ATP2B2: variants seen among roughly 807,000 people sequenced by gnomAD.
ATP2B2 encodes ATPase plasma membrane Ca2+ transporting 2.
ATP2B2 carries 15 observed loss-of-function variants against 120.0 expected under a neutral mutation model. The ratio of observed to expected loss-of-function variants is 0.12; its 90% CI spans 0.08 to 0.19. The LOEUF (loss-of-function observed/expected upper bound fraction) is 0.19, where lower values mean the gene tolerates loss of function less well. ATP2B2 is among the 10% of genes least tolerant of loss of function. The pLI is 1.00. For missense variants in ATP2B2, 1,045 were observed against 1,719.8 expected (o/e 0.61, Z 6.94); for synonymous variants, 694 against 700.3 (o/e 0.99, Z 0.14).
At chr3:10,351,735 G>T (rs2060584696) in intron 14 of ATP2B2, among the ~76,000 whole-genome samples, 1 of 152,188 alleles carries the variant, frequency 6.6e-6, no homozygotes, top group East Asian at 1.9e-4. Context: ...AATCCAACAG[G>T]AATGGTGTCC....
chr3:10,615,451 C>G (rs1286082236), intron 2 of ATP2B2, among the ~76,000 whole-genome samples: 2 of 152,168 alleles, frequency 1.3e-5, no homozygotes, highest in Non-Finnish European at 2.9e-5. Context: ...AGACAGGAAG[C>G]AAGACATTTG....
intron 12 of ATP2B2, among the ~76,000 whole-genome samples, chr3:10,361,124 T>C (rs1226776734): frequency 2.0e-5 from 3 of 152,362 alleles, no homozygotes; most frequent in Non-Finnish European, 4.4e-5. Flanking sequence ...TGGTATTTCA[T>C]GGGACAGACA....
intron 2 of ATP2B2, among the ~76,000 whole-genome samples, chr3:10,560,400 TG>T (rs2067876153): frequency 6.6e-6 from 1 of 152,170 alleles, no homozygotes; most frequent in South Asian, 2.1e-4. Flanking sequence ...CTCACTCTGA[TG>T]TAATCAGAAC....
At chr3:10,427,457 G>A (rs943293090) in intron 2 of ATP2B2, among the ~76,000 whole-genome samples, 6 of 152,090 alleles carry the variant, frequency 3.9e-5, no homozygotes, top group African/African-American at 1.2e-4. Flanking sequence ...CACAATATAC[G>A]CTGTTCTAAT....
chr3:10,500,541 G>A (rs1475236278), intron 1 of ATP2B2, among the ~76,000 whole-genome samples: 1 of 151,824 alleles, frequency 6.6e-6, no homozygotes, highest in African/African-American at 2.4e-5. Context: ...AGAAGCAGAG[G>A]AGAGGACACC....
intron 14 of ATP2B2, among the ~76,000 whole-genome samples, chr3:10,354,426 T>C (rs1255532770): frequency 6.6e-6 from 1 of 152,222 alleles, no homozygotes; most frequent in Non-Finnish European, 1.5e-5. Flanking sequence ...TAGATATTTC[T>C]CACTGAGGGA....
At chr3:10,575,504 G>A (rs2068224413) in intron 2 of ATP2B2, among the ~76,000 whole-genome samples, 1 of 152,200 alleles carries the variant, frequency 6.6e-6, no homozygotes, top group Non-Finnish European at 1.5e-5. Context: ...GAGATGGATA[G>A]TGGTGATGGT....
upstream of ATP2B2, among the ~76,000 whole-genome samples, chr3:10,508,108 C>T (rs569324945): frequency 2.6e-4 from 39 of 152,208 alleles, no homozygotes; most frequent in Non-Finnish European, 5.1e-4. Flanking sequence ...AAGACTAGAA[C>T]TGCCACCTGG....
At chr3:10,450,531 C>T (rs1253695934) in intron 1 of ATP2B2, among the ~76,000 whole-genome samples, 3 of 152,184 alleles carry the variant, frequency 2.0e-5, no homozygotes, top group Non-Finnish European at 4.4e-5. Context: ...AAAGCCCCCA[C>T]CTGCACCCAC....
chr3:10,534,992 C>T (rs2067283296), intron 2 of ATP2B2, among the ~76,000 whole-genome samples: 1 of 148,392 alleles, frequency 6.7e-6, no homozygotes, highest in Non-Finnish European at 1.5e-5. Flanking sequence ...AGATCTCTGC[C>T]TCCCGGGTTC....
chr3:10,606,776 T>A (rs891068270), intron 2 of ATP2B2, among the ~76,000 whole-genome samples: 17 of 151,958 alleles, frequency 1.1e-4, no homozygotes, highest in Admixed American at 3.3e-4. Context: ...CCTTTCCCCA[T>A]ACTCCTATCC....
chr3:10,602,646 T>A (rs1282420367), intron 2 of ATP2B2, among the ~76,000 whole-genome samples: 1 of 152,222 alleles, frequency 6.6e-6, no homozygotes, highest in Non-Finnish European at 1.5e-5. Flanking sequence ...ACCACTTAAT[T>A]GCATTAAAAA....
At chr3:10,374,565 G>A (rs1375416815) in intron 11 of ATP2B2, among the ~76,000 whole-genome samples, 2 of 151,840 alleles carry the variant, frequency 1.3e-5, no homozygotes, top group Admixed American at 6.5e-5. Context: ...ATTCTGGCAT[G>A]GGGCACTGGG....
intron 2 of ATP2B2, among the ~76,000 whole-genome samples, chr3:10,425,023 G>T (rs1030146740): frequency 6.6e-6 from 1 of 152,162 alleles, no homozygotes; most frequent in Non-Finnish European, 1.5e-5. Context: ...GGGCACGGTG[G>T]CTCACACCTG....
chr3:10,665,403 G>C (rs2070901839), intron 1 of ATP2B2, among the ~76,000 whole-genome samples: 1 of 152,104 alleles, frequency 6.6e-6, no homozygotes. Context: ...GGCTGTCCCT[G>C]CTGTCCCTTA....
At chr3:10,505,691 C>T (rs866422583), upstream of ATP2B2, 20 of 146,084 alleles carry the variant, frequency 1.4e-4, 1 homozygote, top group Admixed American at 8.1e-4. Context: ...GCAGAGGCCG[C>T]CCCTGCCGCT....
At chr3:10,625,843 G>A (rs933716769) in intron 1 of ATP2B2, among the ~76,000 whole-genome samples, 5 of 152,332 alleles carry the variant, frequency 3.3e-5, no homozygotes, top group East Asian at 1.9e-4. Context: ...CCTGACGCTT[G>A]CTAAATTCTC....
chr3:10,492,800 G>A (rs542656740), intron 1 of ATP2B2, among the ~76,000 whole-genome samples: 2 of 152,320 alleles, frequency 1.3e-5, no homozygotes, highest in South Asian at 4.1e-4. Context: ...ACCGGGTCAA[G>A]TGTGATGGTG....
At chr3:10,472,014 G>A (rs1281332242) in intron 1 of ATP2B2, among the ~76,000 whole-genome samples, 2 of 148,864 alleles carry the variant, frequency 1.3e-5, no homozygotes, top group Admixed American at 1.4e-4. Context: ...CCGGGAGGCG[G>A]AACTTGGAGT....
Sources: allele counts gnomAD v4.1 joint callset (sites outside exome capture counted in the v4.1 genomes callset), GRCh38; gene constraint gnomAD v4.1.1; transcripts MANE v1.5; gene names NCBI Gene and HGNC (gene_info 2026-07-23, HGNC 2026-07-21).